ETF1: variants seen among roughly 807,000 people sequenced by gnomAD.
ETF1 encodes eukaryotic translation termination factor 1, also known as eukaryotic peptide chain release factor subunit 1.
ETF1 carries 4 observed loss-of-function variants against 55.1 expected under a neutral mutation model. That is an observed-to-expected ratio of 0.07 (90% confidence interval 0.04 to 0.17). The LOEUF is 0.17. ETF1 is among the 10% of genes least tolerant of loss of function. The probability of loss-of-function intolerance (pLI) is 1.00; values close to 1 mark genes in which losing one functional copy is unlikely to be tolerated. For missense variants in ETF1, 142 were observed against 523.6 expected, an observed-to-expected ratio of 0.27 and a Z score of 7.11; for synonymous variants, 157 against 182.3, an observed-to-expected ratio of 0.86 and a Z score of 1.12.
intron 9 of ETF1, among the ~76,000 whole-genome samples, chr5:138,509,816 A>G (rs113760142): frequency 1.4e-4 from 20 of 142,604 alleles, no homozygotes; most frequent in African/African-American, 5.0e-4. Flanking sequence ...AATTGCTTGA[A>G]CTCGGGAGGT....
At chr5:138,515,621 T>A (rs1328603027) in intron 4 of ETF1, among the ~76,000 whole-genome samples, 2 of 152,182 alleles carry the variant, frequency 1.3e-5, no homozygotes, top group African/African-American at 4.8e-5. Flanking sequence ...AGCTAAAATG[T>A]ACAAAGTTAG....
intron 9 of ETF1, among the ~76,000 whole-genome samples, chr5:138,509,814 G>T (rs1764691531): frequency 6.8e-6 from 1 of 146,968 alleles, no homozygotes; most frequent in African/African-American, 2.5e-5. Flanking sequence ...AGAATTGCTT[G>T]AACTCGGGAG....
intron 2 of ETF1, among the ~76,000 whole-genome samples, chr5:138,529,258 G>A (rs1019034260): frequency 6.6e-6 from 1 of 152,132 alleles, no homozygotes; most frequent in African/African-American, 2.4e-5. Flanking sequence ...ACTCCTGCAA[G>A]TCAATCAAAG....
chr5:138,539,881 G>A (rs1468406347), intron 2 of ETF1, among the ~76,000 whole-genome samples: 1 of 152,188 alleles, frequency 6.6e-6, no homozygotes, highest in African/African-American at 2.4e-5. Context: ...CATTTTTGCT[G>A]TGACATCTTG....
chr5:138,535,748 C>T (rs1367507868), intron 2 of ETF1, among the ~76,000 whole-genome samples: 4 of 148,684 alleles, frequency 2.7e-5, no homozygotes, highest in Admixed American at 6.8e-5. Context: ...ATTAGCCAGG[C>T]TTGGTGGGAC....
intron 2 of ETF1, among the ~76,000 whole-genome samples, chr5:138,519,514 T>A (rs2127085703): frequency 6.6e-6 from 1 of 150,956 alleles, no homozygotes; most frequent in African/African-American, 2.4e-5. Context: ...AAAAAAAAAA[T>A]TCGCTGGGCA....
At chr5:138,525,943 TAAAAAAAAA>T (rs35058160) in intron 2 of ETF1, among the ~76,000 whole-genome samples, 3 of 133,808 alleles carry the variant, frequency 2.2e-5, no homozygotes, top group East Asian at 2.1e-4. Flanking sequence ...AGACTCTGTT[TAAAAAAAAA>T]AAAAAAAAAG....
At chr5:138,542,695 G>C (rs1766235266) in intron 2 of ETF1, 138 bp downstream of exon 2, 4 of 1,487,766 alleles carry the variant, frequency 2.7e-6, no homozygotes, top group Non-Finnish European at 3.6e-6. Context: ...CCTGGGTCAG[G>C]GGCTACTACC....
At chr5:138,523,665 G>C (rs929085670) in intron 2 of ETF1, among the ~76,000 whole-genome samples, 1 of 152,190 alleles carries the variant, frequency 6.6e-6, no homozygotes, top group Non-Finnish European at 1.5e-5. Flanking sequence ...GATTGTTAAA[G>C]GGTACAGGGA....
chr5:138,519,066 C>T, intron 2 of ETF1, 199 bp from the exon 3 acceptor site: 1 of 984,554 alleles, frequency 1.0e-6, no homozygotes, highest in Non-Finnish European at 1.2e-6. Context: ...GAATCTAGTG[C>T]TCAATTTGAT....
chr5:138,536,824 G>C (rs1007326070), intron 2 of ETF1, among the ~76,000 whole-genome samples: 1 of 152,084 alleles, frequency 6.6e-6, no homozygotes, highest in Non-Finnish European at 1.5e-5. Context: ...GTACTGGGCC[G>C]ATCCTCAATC....
At chr5:138,510,509 C>G (rs1764730788) in intron 9 of ETF1, 56 bp downstream of exon 9, 5 of 1,377,686 alleles carry the variant, frequency 3.6e-6, no homozygotes, top group Non-Finnish European at 5.2e-6. Flanking sequence ...AGCCAGTACT[C>G]TAACACACGG....
chr5:138,512,243 TA>T (rs1474743086), intron 6 of ETF1, among the ~76,000 whole-genome samples: 1 of 6,538 alleles, frequency 1.5e-4, no homozygotes, highest in African/African-American at 3.9e-4. Context: ...TATATATATA[TA>T]TATATATATA....
rs140120160 is a variant in ETF1, at chr5:138,527,253, TG to T, written c.87-8387del. ...CATATCCAAAAATCAGAATTCTGTT[TG>T]GGTGTCTACCTTGAAGGCTGGTTCA... On this transcript the variant is annotated intron_variant, in intron 2 of 10. Coordinates refer to ENST00000360541, the MANE Select transcript of ETF1 (RefSeq NM_004730.4). 2.8e-3 allele frequency among the ~76,000 whole-genome samples: 426 copies of T among 152,330 alleles called. 7 individuals carry two copies. In the East Asian group the frequency reaches 0.038, roughly 14 times the overall value.
chr5:138,510,186 C>T (rs1457461128), intron 9 of ETF1, among the ~76,000 whole-genome samples: 1 of 150,712 alleles, frequency 6.6e-6, no homozygotes, highest in Non-Finnish European at 1.5e-5. Flanking sequence ...GGTGAAAACG[C>T]CTCTCTACAA....
In ETF1 at chr5:138,513,324, C is replaced by T. The variant is rs373604558; in HGVS notation, c.541+244G>A. The T allele has an allele frequency of 2.2e-5, 11 of 505,890 alleles. No individual in the cohort carries two copies. The South Asian group carries it at 6.9e-4, about 32-fold the overall frequency. 31.3% of individuals were successfully genotyped at this position (505,890 alleles called of 1,614,324 possible). A position where few individuals can be genotyped will look rare whatever the true frequency, so the allele number is the denominator to read the frequency against. On this transcript the variant is annotated intron_variant, in intron 5 of 10. Transcript: ENST00000360541. ...TTGGCTCAATGCAACCTCCGTCTCC[C>T]GGGTTCAAGCAATTCTCCTGCCTCA...
rs1764604599 is a variant in ETF1 at position 138,507,609 on chromosome 5, T to C, written c.*696A>G. The C allele has an allele frequency of 6.5e-6, 1 of 152,672 alleles. No homozygotes were observed. The highest frequency in any genetic ancestry group is 2.4e-5 in the African/African-American group (1 of 41,454). The allele number at this position is 152,672 out of a possible 1,614,324, so 9.5% of individuals were successfully genotyped here. A position where few individuals can be genotyped will look rare whatever the true frequency, so the allele number is the denominator to read the frequency against. On this transcript the variant is annotated 3_prime_UTR_variant, in exon 11 of 11. Transcript: ENST00000360541. ...GGGCACAAATGTGTCTGCAAACAGA[T>C]GGAAGTAAACAGTGCACTGGCCCAA...
At chr5:138,530,309 C>T (rs929008563) in intron 2 of ETF1, among the ~76,000 whole-genome samples, 8 of 151,950 alleles carry the variant, frequency 5.3e-5, no homozygotes, top group Non-Finnish European at 1.2e-4. Flanking sequence ...GACAGAGTCT[C>T]GCTCTGCCAC....
chr5:138,542,494 T>TAGCACCCGAGTCGGGTGGC lies in ETF1; in HGVS notation c.86+320_86+338dup, dbSNP rs554510313. The TAGCACCCGAGTCGGGTGGC allele has an allele frequency of 6.6e-3, 3,449 of 525,586 alleles. 23 individuals carry two copies. Among genetic ancestry groups the TAGCACCCGAGTCGGGTGGC allele is most frequent in the South Asian group, 0.021 (828 of 38,516 alleles). The allele number at this position is 525,586 out of a possible 1,614,324, so 32.6% of individuals were successfully genotyped here. A position where few individuals can be genotyped will look rare whatever the true frequency, so the allele number is the denominator to read the frequency against. On this transcript the variant is annotated intron_variant, in intron 2 of 10. Transcript: ENST00000360541. ...AGGAAGGCCGAACACTTTGCCACAA[T>TAGCACCCGAGTCGGGTGGC]AGCACCCGAGTCGGGTGGCAGCACC...
Sources: allele counts gnomAD v4.1 joint callset (sites outside exome capture counted in the v4.1 genomes callset), GRCh38; gene constraint gnomAD v4.1.1; transcripts MANE v1.5; gene names NCBI Gene and HGNC (gene_info 2026-07-23, HGNC 2026-07-21).